Variants in NR1H3 observed in about 807,000 individuals in gnomAD.
The protein encoded by NR1H3 is oxysterols receptor LXR-alpha.
In NR1H3, 19 loss-of-function variants were observed where a neutral mutation model predicts 48.1. That is an observed-to-expected ratio of 0.40 (90% CI 0.28 to 0.58). The LOEUF is 0.58. Ranked by LOEUF, NR1H3 falls within the 20% of genes least tolerant of loss-of-function variation. The pLI, the probability that NR1H3 is intolerant of heterozygous loss-of-function variation, is 0.50. For synonymous variants in NR1H3, 232 were observed against 227.3 expected (o/e 1.02, Z -0.19); for missense variants, 486 against 595.9 (o/e 0.82, Z 1.92).
intron 5 of NR1H3, 25 bp downstream of exon 5, chr11:47,261,474 C>A: frequency 6.2e-7 from 1 of 1,610,952 alleles, no homozygotes; most frequent in Non-Finnish European, 8.5e-7. Flanking sequence ...TGGGGAGAGG[C>A]GGCTGCGCCC....
chr11:47,255,535 CTT>C (rs1329744899), upstream of NR1H3, among the ~76,000 whole-genome samples: 253 of 126,858 alleles, frequency 2.0e-3, 1 homozygote, highest in Admixed American at 3.0e-3. Context: ...CTCTTTCTTT[CTT>C]TCTTTTTCTT....
intron 2 of NR1H3, 148 bp from the exon 3 acceptor site, chr11:47,259,643 C>T (rs923603651): frequency 4.7e-6 from 7 of 1,485,628 alleles, no homozygotes; most frequent in Non-Finnish European, 5.3e-6. Flanking sequence ...AGCTAGAGCC[C>T]ACACAGACTC....
At chr11:47,251,263 G>A (rs1010295977) in intron 1 of NR1H3, among the ~76,000 whole-genome samples, 1 of 152,134 alleles carries the variant, frequency 6.6e-6, no homozygotes, top group Non-Finnish European at 1.5e-5. Flanking sequence ...TGGTGATCCC[G>A]AAATCCTTTC....
At chr11:47,255,539 CTT>C (rs58304713), upstream of NR1H3, among the ~76,000 whole-genome samples, 33,951 of 109,570 alleles carry the variant, frequency 0.31, 5,225 homozygotes, top group East Asian at 0.57. Context: ...TTCTTTCTTT[CTT>C]TTTCTTTCTT....
upstream of NR1H3, among the ~76,000 whole-genome samples, chr11:47,256,188 G>A (rs145374415): frequency 1.6e-3 from 240 of 150,944 alleles, no homozygotes; most frequent in African/African-American, 5.5e-3. Context: ...TTACAGACCC[G>A]CATCACTATG....
chr11:47,255,609 CTCTCTCTCTTTCTTTCTT>C (rs1565178800), upstream of NR1H3, among the ~76,000 whole-genome samples: 26 of 124,862 alleles, frequency 2.1e-4, 1 homozygote, highest in African/African-American at 7.4e-4. Flanking sequence ...CTCTCTCTCT[CTCTCTCTCTTTCTTTCTT>C]TCTTTCTTTC....
chr11:47,266,263 G>C (rs181966934), intron 7 of NR1H3, among the ~76,000 whole-genome samples: 1 of 151,322 alleles, frequency 6.6e-6, no homozygotes, highest in Non-Finnish European at 1.5e-5. Flanking sequence ...ATGCAGCCTC[G>C]ACCTTCTGGG....
intron 1 of NR1H3, among the ~76,000 whole-genome samples, chr11:47,249,447 GTT>G (rs1954425385): frequency 6.6e-6 from 1 of 152,100 alleles, no homozygotes; most frequent in Non-Finnish European, 1.5e-5. Flanking sequence ...CCAAGTTTTA[GTT>G]AATTAGAGTC....
At chr11:47,251,215 T>G (rs1054594349) in intron 1 of NR1H3, among the ~76,000 whole-genome samples, 2 of 152,108 alleles carry the variant, frequency 1.3e-5, no homozygotes, top group Non-Finnish European at 2.9e-5. Context: ...ATGGGCTGCT[T>G]CTTGCAGGCT....
At position 47,261,801 on chromosome 11, in the gene NR1H3, G is replaced by C; in HGVS notation, c.888+75G>C. ...TGTGGGAGGGGCCTCCAGACATCGA[G>C]CTGGGAGAGCCAAATCTGCTGGGAA... On this transcript the variant is annotated intron_variant, in intron 6 of 9. Coordinates refer to ENST00000441012, the MANE Select transcript of NR1H3 (RefSeq NM_005693.4). 2.5e-6 allele frequency: 4 copies of C among 1,607,978 alleles called. No individual in the cohort carries two copies. In the South Asian group the frequency reaches 4.4e-5, roughly 18 times the overall value.
intron 1 of NR1H3, among the ~76,000 whole-genome samples, chr11:47,252,790 G>A (rs1236818062): frequency 6.8e-6 from 1 of 148,050 alleles, no homozygotes; most frequent in Admixed American, 6.8e-5. Flanking sequence ...GGGTTTCGCC[G>A]TGTTAGCCTG....
chr11:47,268,460 A>G, intron 9 of NR1H3, 90 bp from the exon 10 acceptor site: 1 of 1,592,318 alleles, frequency 6.3e-7, no homozygotes, highest in South Asian at 1.1e-5. Flanking sequence ...CATGCTGTGC[A>G]GACAATTCAC....
Position 47,261,635 on chromosome 11 carries a change from A to G in NR1H3, c.797A>G (p.Gln266Arg). ...ACTGAGCTGGCCATCGTCTCTGTGCAGGAGATAGTTGACTTTGCTAAACAG... is the reference window on the plus strand; with the variant it reads ...ACTGAGCTGGCCATCGTCTCTGTGCGGGAGATAGTTGACTTTGCTAAACAG... Reference protein sequence around the residue: ...HFTELAIVSVQEIVDFAKQLP... With the variant: ...HFTELAIVSVREIVDFAKQLP... The change falls in exon 6 of 10, where the codon CAG (glutamine) becomes CGG (arginine). Residue 266 changes from glutamine to arginine, a missense_variant. Physicochemically the swap from Gln to Arg is conservative, Grantham distance 43 (BLOSUM62 1). Transcript: ENST00000441012. 6.2e-7 allele frequency: 1 copy of G among 1,614,240 alleles called. No individual in the cohort carries two copies. The highest frequency in any genetic ancestry group is 1.1e-5 in the South Asian group (1 of 91,088).
intron 7 of NR1H3, among the ~76,000 whole-genome samples, chr11:47,263,586 T>TTTTTCTTTTTTATTC (rs1467224147): frequency 2.0e-5 from 3 of 149,812 alleles, no homozygotes; most frequent in African/African-American, 7.4e-5. Context: ...TCCCCTACTC[T>TTTTTCTTTTTTATTC]TTTTCTTTTT....
upstream of NR1H3, among the ~76,000 whole-genome samples, chr11:47,253,927 A>T (rs1206749963): frequency 1.3e-5 from 2 of 152,042 alleles, no homozygotes; most frequent in Non-Finnish European, 2.9e-5. Flanking sequence ...CCAGCTGCTG[A>T]TCACTTCACT....
At chr11:47,256,564 C>T (rs751483832), upstream of NR1H3, among the ~76,000 whole-genome samples, 7 of 149,968 alleles carry the variant, frequency 4.7e-5, no homozygotes, top group Non-Finnish European at 8.8e-5. Context: ...GTAATCCTAG[C>T]ACTTTGGAAG....
chr11:47,260,361 T>G, intron 3 of NR1H3, 48 bp from the exon 4 acceptor site: 6 of 1,565,818 alleles, frequency 3.8e-6, no homozygotes, highest in Non-Finnish European at 5.2e-6. Context: ...AGGGAGAACA[T>G]GATGTTTTTC....
At chr11:47,262,134 C>G in intron 7 of NR1H3, 116 bp downstream of exon 7, 3 of 702,890 alleles carry the variant, frequency 4.3e-6, no homozygotes, top group Non-Finnish European at 7.2e-6. Context: ...AATCCCAGCA[C>G]TTTGGGAGGC....
intron 7 of NR1H3, among the ~76,000 whole-genome samples, chr11:47,263,305 C>T (rs937503561): frequency 6.7e-5 from 10 of 148,478 alleles, no homozygotes; most frequent in East Asian, 2.0e-4. Flanking sequence ...TGCTCTGTCA[C>T]GCAGGCTGAA....
Sources: gnomAD v4.1 joint callset for allele counts (sites outside exome capture counted in the v4.1 genomes callset) on GRCh38, gnomAD v4.1.1 for gene constraint, MANE v1.5 for transcripts, NCBI Gene and HGNC (gene_info 2026-07-23, HGNC 2026-07-21) for gene names.